The following OGDH variants were observed in gnomAD, a reference collection of about 807,000 sequenced individuals.
OGDH encodes oxoglutarate dehydrogenase, also known as 2-oxoglutarate dehydrogenase complex component E1.
A neutral mutation model predicts 116.6 loss-of-function variants in OGDH; 38 were observed. The ratio of observed to expected loss-of-function variants is 0.33; its 90% CI spans 0.25 to 0.43. The LOEUF (loss-of-function observed/expected upper bound fraction) is 0.43, where lower values mean the gene tolerates loss of function less well. Ranked by LOEUF, OGDH falls within the 20% of genes least tolerant of loss-of-function variation. The probability of loss-of-function intolerance (pLI) is 1.00; values close to 1 mark genes in which losing one functional copy is unlikely to be tolerated. For missense variants in OGDH, 825 were observed against 1,357.2 expected, an observed-to-expected ratio of 0.61 and a Z score of 6.16; for synonymous variants, 488 against 533.3, an observed-to-expected ratio of 0.92 and a Z score of 1.17.
At chr7:44,648,998 A>G (rs527404407) in intron 4 of OGDH, among the ~76,000 whole-genome samples, 123 of 152,026 alleles carry the variant, frequency 8.1e-4, no homozygotes, top group African/African-American at 2.9e-3. Context: ...TAGTACAGCA[A>G]ACCTCCCTGC....
chr7:44,699,425 CAAAAAAAAA>C (rs59695480), intron 18 of OGDH, among the ~76,000 whole-genome samples: 1 of 67,720 alleles, frequency 1.5e-5, no homozygotes, highest in South Asian at 4.6e-4. Context: ...ACTCCTGTCT[CAAAAAAAAA>C]AAAAAAAAAA....
chr7:44,694,356 T>C lies in OGDH; in HGVS notation c.1516-68T>C, dbSNP rs1002663081. On this transcript the variant is annotated intron_variant, in intron 11 of 22. Coordinates refer to ENST00000222673, the MANE Select transcript of OGDH (RefSeq NM_002541.4). This position sits in a 1 kb window ranked among gnomAD's most constrained non-coding sequence, Gnocchi z 4.2. ...CATCACCTAGGAGAGATGGGGCAGG[T>C]GCCTGAACAGCACTTCTTCCCAAGG... The C allele has an allele frequency of 5.1e-6, 8 of 1,579,464 alleles. No homozygotes were observed. The East Asian group carries it at 1.8e-4, about 36-fold the overall frequency.
intron 2 of OGDH, among the ~76,000 whole-genome samples, chr7:44,636,003 G>A (rs759647224): frequency 1.3e-5 from 2 of 152,128 alleles, no homozygotes; most frequent in African/African-American, 2.4e-5. Flanking sequence ...ACACCTGGCC[G>A]GACTTTATAA....
chr7:44,620,692 C>T (rs1784976077), intron 1 of OGDH, among the ~76,000 whole-genome samples: 1 of 152,048 alleles, frequency 6.6e-6, no homozygotes. Flanking sequence ...CCCAGGACAG[C>T]TTTGAATGTG....
chr7:44,689,392 C>CTTTTTTT (rs561058807), intron 10 of OGDH, among the ~76,000 whole-genome samples: 1 of 71,218 alleles, frequency 1.4e-5, no homozygotes, highest in Non-Finnish European at 2.7e-5. Context: ...ATTTTTTTTT[C>CTTTTTTT]TTTTTTTTTT....
chr7:44,688,783 C>G (rs956806713), intron 10 of OGDH, among the ~76,000 whole-genome samples: 1 of 152,122 alleles, frequency 6.6e-6, no homozygotes, highest in East Asian at 1.9e-4. Context: ...ACTCTCCTCT[C>G]TGTGGCCCAG....
intron 19 of OGDH, among the ~76,000 whole-genome samples, chr7:44,700,989 A>C (rs1186519295): frequency 2.0e-5 from 3 of 152,218 alleles, no homozygotes; most frequent in Admixed American, 6.5e-5. Context: ...GCACCACTGC[A>C]CTCCAGCCTG....
At chr7:44,664,704 A>G (rs968410820) in intron 4 of OGDH, among the ~76,000 whole-genome samples, 2 of 152,192 alleles carry the variant, frequency 1.3e-5, no homozygotes, top group Admixed American at 1.3e-4. Context: ...TATAATGTCT[A>G]GGATTTTTAG....
chr7:44,614,659 C>T (rs1358394685), intron 1 of OGDH, among the ~76,000 whole-genome samples: 1 of 152,040 alleles, frequency 6.6e-6, no homozygotes, highest in East Asian at 1.9e-4. Context: ...TACATCTTCT[C>T]TTTGCTGAAA....
intron 18 of OGDH, 24 bp downstream of exon 18, chr7:44,698,287 C>T: frequency 6.2e-7 from 1 of 1,611,778 alleles, no homozygotes; most frequent in Non-Finnish European, 8.5e-7. Context: ...GCCCTGTCAG[C>T]CCAGCCATTC....
chr7:44,699,404 G>A (rs556757001), intron 18 of OGDH, among the ~76,000 whole-genome samples: 6 of 134,388 alleles, frequency 4.5e-5, no homozygotes, highest in South Asian at 2.3e-4. Flanking sequence ...CAGCCTAGGC[G>A]ACAGAGGGAG....
At chr7:44,609,509 CA>C (rs56730903) in intron 1 of OGDH, among the ~76,000 whole-genome samples, 40,860 of 103,676 alleles carry the variant, frequency 0.39, 6,370 homozygotes, top group Non-Finnish European at 0.47. Context: ...GACCCTGTCT[CA>C]AAAAAAAAAA....
In OGDH at chr7:44,659,177, C is replaced by T. The variant is rs148211833; in HGVS notation, c.518-7559C>T. Among the ~76,000 whole-genome samples, 385 of 151,826 alleles carry T rather than the reference C, an allele frequency of 2.5e-3. 1 individual carries two copies. The highest frequency in any genetic ancestry group is 8.9e-3 in the African/African-American group (367 of 41,460). ...AATGTAGATGATTTAATGCTAATGTCGTGGTAGACGATTTAATGCTAATGT... is the reference window on the plus strand; with the variant it reads ...AATGTAGATGATTTAATGCTAATGTTGTGGTAGACGATTTAATGCTAATGT... On this transcript the variant is annotated intron_variant, in intron 4 of 22. Transcript: ENST00000222673.
chr7:44,674,033 C>G, intron 6 of OGDH, 92 bp downstream of exon 6: 1 of 1,488,708 alleles, frequency 6.7e-7, no homozygotes, highest in South Asian at 1.2e-5. Flanking sequence ...GCCTGTTGGC[C>G]GAGGTGAGAG....
In OGDH at chr7:44,624,574, C is replaced by T. The variant is rs201280081; in HGVS notation, c.222+9C>T. The T allele has an allele frequency of 1.1e-4, 177 of 1,610,756 alleles. No individual in the cohort carries two copies. Among genetic ancestry groups the T allele is most frequent in the Middle Eastern group, 1.0e-3 (5 of 5,022 alleles). ...CCAAAAGTGTACATAAGGTAAGGCT[C>T]GCAGGGCTGTGGGTCTGCCTCATGT... On this transcript the variant is annotated intron_variant, in intron 2 of 22. Coordinates refer to ENST00000222673, the MANE Select transcript of OGDH (RefSeq NM_002541.4).
At chr7:44,693,753 C>G (rs888947405) in intron 10 of OGDH, 72 bp from the exon 11 acceptor site, 5 of 1,423,148 alleles carry the variant, frequency 3.5e-6, no homozygotes, top group Middle Eastern at 1.9e-4. Context: ...CATGCCCGGC[C>G]TCAGCCCCGC....
chr7:44,647,835 C>G lies in OGDH; in HGVS notation c.517+76C>G, dbSNP rs114101536. 1,104 of 1,122,604 alleles carry G rather than the reference C, an allele frequency of 9.8e-4. 7 individuals are homozygous for G. In the African/African-American group the frequency reaches 0.016, roughly 16 times the overall value. 69.5% of individuals were successfully genotyped at this position (1,122,604 alleles called of 1,614,324 possible). A position where few individuals can be genotyped will look rare whatever the true frequency, so the allele number is the denominator to read the frequency against. On this transcript the variant is annotated intron_variant, in intron 4 of 22. Coordinates refer to ENST00000222673, the MANE Select transcript of OGDH (RefSeq NM_002541.4). ...CCACGACCTGTGGTAGCCAGGATGT[C>G]CAGGCAGGAGGGAAAGGCTCTTAAG...
At position 44,612,815 on chromosome 7, in the gene OGDH, C is replaced by G. The variant is rs543504380; in HGVS notation, c.-28+6162C>G. Among the ~76,000 whole-genome samples, 9 of 152,256 alleles carry G rather than the reference C, an allele frequency of 5.9e-5. No individual in the cohort carries two copies. The South Asian group carries it at 1.9e-3, about 32-fold the overall frequency. On this transcript the variant is annotated intron_variant, in intron 1 of 22. Coordinates refer to ENST00000222673, the MANE Select transcript of OGDH (RefSeq NM_002541.4). ...GGCTCAAGCAATCTTGCTACTTCAG[C>G]CTCCTGAGTAGCTGGGACTGCAGGC...
At chr7:44,625,028 A>G (rs1368659702) in intron 2 of OGDH, among the ~76,000 whole-genome samples, 1 of 152,154 alleles carries the variant, frequency 6.6e-6, no homozygotes, top group African/African-American at 2.4e-5. Flanking sequence ...GTTTGTTTCT[A>G]ACTTCTCTGT....
Sources: gnomAD v4.1 joint callset for allele counts (sites outside exome capture counted in the v4.1 genomes callset) on GRCh38, gnomAD v4.1.1 for gene constraint, Gnocchi (gnomAD v3.1) non-coding constraint, MANE v1.5 for transcripts, NCBI Gene and HGNC (gene_info 2026-07-23, HGNC 2026-07-21) for gene names.